The following AOPEP variants were observed in gnomAD, a reference collection of about 807,000 sequenced individuals.
AOPEP encodes aminopeptidase O.
A neutral mutation model predicts 98.1 loss-of-function variants in AOPEP; 77 were observed. That is an observed-to-expected ratio of 0.78 (90% confidence interval 0.65 to 0.95). AOPEP has a LOEUF of 0.95. AOPEP is among the 40% of genes least tolerant of loss of function. AOPEP has a pLI of 0.00. For synonymous variants in AOPEP, 346 were observed against 365.3 expected (o/e 0.95, Z 0.60); for missense variants, 1,024 against 1,024.7 (o/e 1.00, Z 0.01).
chr9:95,127,379 A>G, the AOPEP span: 1 of 152,268 alleles, frequency 6.6e-6, no homozygotes, highest in African/African-American at 2.4e-5. Context: ...GGCACCAGGT[A>G]CCGGTTTCTT....
intron 5 of AOPEP, among the ~76,000 whole-genome samples, chr9:94,888,846 T>TACAACAGTTATACAC (rs2048543515): frequency 6.6e-6 from 1 of 152,128 alleles, no homozygotes; most frequent in South Asian, 2.1e-4. Context: ...CAGTTATACA[T>TACAACAGTTATACAC]GCATTATTTT....
intron 1 of AOPEP, among the ~76,000 whole-genome samples, chr9:94,756,845 AC>A (rs914745581): frequency 1.3e-4 from 20 of 151,718 alleles, no homozygotes; most frequent in African/African-American, 4.8e-4. Flanking sequence ...GAGGGAGGCT[AC>A]CCCCCGTTCT....
the AOPEP span, among the ~76,000 whole-genome samples, chr9:95,094,264 G>A: frequency 0.014 from 2,064 of 152,336 alleles, 44 homozygotes; most frequent in African/African-American, 0.046. Context: ...GTGGGGTCAG[G>A]AGAACTGGGT....
intron 11 of AOPEP, among the ~76,000 whole-genome samples, chr9:94,979,658 G>A (rs2060058696): frequency 6.6e-6 from 1 of 152,214 alleles, no homozygotes; most frequent in African/African-American, 2.4e-5. Flanking sequence ...ATTGATGGTA[G>A]CTCCTGAACT....
chr9:95,088,488 C>A (rs369115939), downstream of AOPEP, among the ~76,000 whole-genome samples: 1 of 150,434 alleles, frequency 6.6e-6, no homozygotes, highest in Non-Finnish European at 1.5e-5. Context: ...GGATTATAGG[C>A]GTGAACCACT....
intron 1 of AOPEP, among the ~76,000 whole-genome samples, chr9:94,740,731 A>G (rs1832877132): frequency 6.6e-6 from 1 of 152,238 alleles, no homozygotes; most frequent in African/African-American, 2.4e-5. Flanking sequence ...TAGAAGCAGT[A>G]GAGGGCAGTG....
At chr9:94,736,273 C>T (rs981785339) in intron 1 of AOPEP, among the ~76,000 whole-genome samples, 12 of 152,204 alleles carry the variant, frequency 7.9e-5, no homozygotes, top group African/African-American at 2.9e-4. Context: ...TAGTGAAATA[C>T]ATTCTTCTAA....
intron 3 of AOPEP, among the ~76,000 whole-genome samples, chr9:94,774,129 G>A (rs1157227273): frequency 6.6e-6 from 1 of 151,636 alleles, no homozygotes; most frequent in African/African-American, 2.4e-5. Context: ...TGGCTAACAC[G>A]GTGAAATCTC....
the AOPEP span, chr9:95,135,286 AG>A: frequency 5.2e-6 from 8 of 1,534,644 alleles, no homozygotes; most frequent in East Asian, 1.8e-4. Flanking sequence ...TCTGACTAAA[AG>A]AAATGATTCC....
intron 5 of AOPEP, among the ~76,000 whole-genome samples, chr9:94,811,575 T>G (rs1850592364): frequency 6.6e-6 from 1 of 152,208 alleles, no homozygotes; most frequent in Admixed American, 6.5e-5. Flanking sequence ...TTATCCTGGC[T>G]TTGATATCTC....
chr9:94,873,207 G>T (rs1316645731), intron 5 of AOPEP, among the ~76,000 whole-genome samples: 1 of 152,180 alleles, frequency 6.6e-6, no homozygotes, highest in Non-Finnish European at 1.5e-5. Flanking sequence ...ATTGTTTCTA[G>T]TCCAGTTATC....
intron 7 of AOPEP, among the ~76,000 whole-genome samples, chr9:94,952,486 C>T (rs1194848817): frequency 1.3e-5 from 2 of 152,150 alleles, no homozygotes; most frequent in Non-Finnish European, 2.9e-5. Context: ...GTCAGTTTTG[C>T]CTGTTCTTGG....
At chr9:94,947,533 C>T (rs189673763) in intron 7 of AOPEP, among the ~76,000 whole-genome samples, 5 of 152,356 alleles carry the variant, frequency 3.3e-5, no homozygotes, top group Non-Finnish European at 5.9e-5. Flanking sequence ...TGGGCCCCTG[C>T]ACCCAGCCCC....
intron 11 of AOPEP, chr9:95,003,827 C>CT (rs1025125356): frequency 6.4e-6 from 1 of 155,264 alleles, no homozygotes; most frequent in Non-Finnish European, 1.4e-5. Context: ...TAGATTTCAA[C>CT]TTTTTTGTAT....
rs939515434 is a variant in AOPEP, at chr9:94,982,132, C to CT, written c.1977+2714dup. ...TACTATAGATTATTTCCTTTTATGA[C>CT]TTTTTTTTTGGTTATAGAAGAAGTA... On this transcript the variant is annotated intron_variant, in intron 11 of 16. Coordinates refer to ENST00000375315, the MANE Select transcript of AOPEP (RefSeq NM_001193329.3). Among the ~76,000 whole-genome samples, 29 of 151,206 alleles carry CT rather than the reference C, an allele frequency of 1.9e-4. No homozygotes were observed. The East Asian group carries it at 2.5e-3, about 13-fold the overall frequency.
At chr9:94,739,471 C>A (rs1169081789) in intron 1 of AOPEP, among the ~76,000 whole-genome samples, 1 of 151,920 alleles carries the variant, frequency 6.6e-6, no homozygotes, top group Non-Finnish European at 1.5e-5. Context: ...ATGGTGAAAC[C>A]CTGTCTCTAC....
At chr9:94,801,834 A>G (rs750112958) in intron 5 of AOPEP, among the ~76,000 whole-genome samples, 31 of 152,358 alleles carry the variant, frequency 2.0e-4, no homozygotes, top group South Asian at 1.9e-3. Context: ...GTTTTTCCCT[A>G]TTAGTCAAGG....
intron 1 of AOPEP, among the ~76,000 whole-genome samples, chr9:94,750,515 G>A (rs1835444051): frequency 6.6e-6 from 1 of 151,964 alleles, no homozygotes; most frequent in Non-Finnish European, 1.5e-5. Context: ...AACCTGAGAG[G>A]CAGAGGTTGC....
At chr9:94,846,825 A>G (rs906991730) in intron 5 of AOPEP, among the ~76,000 whole-genome samples, 2 of 152,188 alleles carry the variant, frequency 1.3e-5, no homozygotes, top group Admixed American at 6.5e-5. Flanking sequence ...TGTGAGGATC[A>G]CTTCAGCCCA....
Sources: allele counts gnomAD v4.1 joint callset (sites outside exome capture counted in the v4.1 genomes callset), GRCh38; gene constraint gnomAD v4.1.1; transcripts MANE v1.5; gene names NCBI Gene and HGNC (gene_info 2026-07-23, HGNC 2026-07-21).